Variants in NPM1 observed in about 807,000 individuals in gnomAD.
NPM1 encodes the protein nucleophosmin.
NPM1 carries 1 observed loss-of-function variant against 44.1 expected under a neutral mutation model. That is an observed-to-expected ratio of 0.02 (90% CI 0.01 to 0.11). NPM1 has a LOEUF of 0.11. NPM1 is among the 10% of genes least tolerant of loss of function. The pLI is 1.00. For synonymous variants in NPM1, 126 were observed against 111.8 expected (o/e 1.13, Z -0.80); for missense variants, 197 against 347.8 (o/e 0.57, Z 3.45).
upstream of NPM1, chr5:171,387,580 T>A (rs537257386): frequency 5.9e-4 from 151 of 257,118 alleles, 4 homozygotes; most frequent in South Asian, 0.015. Context: ...AGGTGGGGAG[T>A]GCGCGTTACG....
chr5:171,391,577 C>G, intron 3 of NPM1, 129 bp from the exon 4 acceptor site: 1 of 1,145,292 alleles, frequency 8.7e-7, no homozygotes. Flanking sequence ...ATGGGGGCTT[C>G]TGCTGCTACT....
At position 171,400,916 on chromosome 5, in the gene NPM1, A is replaced by G. The variant is rs1445175445; in HGVS notation, c.660A>G (p.Pro220=). The change falls in exon 8 of 11, where the codon CCA becomes CCG. Residue 220 remains proline (P), a synonymous_variant. Coordinates refer to ENST00000296930, the MANE Select transcript of NPM1 (RefSeq NM_002520.7). ...NGKDSKPSST[P]RSKGQESFKK... is the part of the protein sequence containing the mutation. ...AAGACTCAAAACCATCATCAACACC[A>G]AGATCAAAAGTAAGTGGCTACATTT... 1.9e-6 allele frequency: 3 copies of G among 1,609,872 alleles called. No homozygotes were observed. The highest frequency in any genetic ancestry group is 2.7e-5 in the African/African-American group (2 of 74,646).
chr5:171,402,952 CT>C (rs560900151), intron 8 of NPM1, among the ~76,000 whole-genome samples: 1,405 of 91,844 alleles, frequency 0.015, 43 homozygotes, highest in Middle Eastern at 0.039. Flanking sequence ...TCAGGTAGTT[CT>C]TTTTTTTTTT....
intron 7 of NPM1, among the ~76,000 whole-genome samples, chr5:171,400,456 CTTCCTT>C (rs1220200361): frequency 2.1e-5 from 3 of 139,578 alleles, no homozygotes; most frequent in Non-Finnish European, 4.6e-5. Context: ...CTGCTTTTTC[CTTCCTT>C]TTTTTTTTTT....
Position 171,410,637 on chromosome 5 carries a change from G to C in NPM1, c.*72G>C, listed in dbSNP as rs923743204. On this transcript the variant is annotated 3_prime_UTR_variant, in exon 11 of 11. Coordinates refer to ENST00000296930, the MANE Select transcript of NPM1 (RefSeq NM_002520.7). ...TTTCTGTAACAGTTGATATCTGGCT[G>C]TCCTTTTTATAATGCAGAGTGAGAA... 1.3e-5 allele frequency: 11 copies of C among 840,356 alleles called. No homozygotes were observed. In the African/African-American group the frequency reaches 1.9e-4, roughly 15 times the overall value. 52.1% of individuals were successfully genotyped at this position (840,356 alleles called of 1,614,324 possible). A position where few individuals can be genotyped will look rare whatever the true frequency, so the allele number is the denominator to read the frequency against.
chr5:171,391,383 A>G lies in NPM1; in HGVS notation c.217A>G (p.Lys73Glu). ...EAMNYEGSPI[K>E]VTLATLKMSV... ...AATGAATTACGAAGGCAGTCCAATT[A>G]AAGTAACACTGGCAACTTTGAAAAT... Residue 73 changes from lysine to glutamate, a missense_variant, in exon 3 of 11, where the codon AAA becomes GAA. Physicochemically the swap from Lys to Glu is moderately conservative, Grantham distance 56. Coordinates refer to ENST00000296930, the MANE Select transcript of NPM1 (RefSeq NM_002520.7). 1.2e-6 allele frequency: 2 copies of G among 1,611,256 alleles called. No homozygotes were observed. Among genetic ancestry groups the G allele is most frequent in the Non-Finnish European group, 1.7e-6 (2 of 1,179,948 alleles).
chr5:171,405,664 AC>A (rs1771525883), intron 9 of NPM1: 3 of 415,414 alleles, frequency 7.2e-6, no homozygotes, highest in Non-Finnish European at 1.3e-5. Flanking sequence ...TAACATTCTG[AC>A]CTTCCATGTT....
intron 6 of NPM1, among the ~76,000 whole-genome samples, chr5:171,394,096 C>CTCCAGTTGCTCAGGCTGGAGTGT (rs1770744048): frequency 7.2e-6 from 1 of 138,282 alleles, no homozygotes; most frequent in African/African-American, 2.7e-5. Context: ...GGCTGGAGTG[C>CTCCAGTTGCTCAGGCTGGAGTGT]GGTGGCGCCA....
rs539397005 is a variant in NPM1, at chr5:171,397,801, T to C, written c.525-2352T>C. On this transcript the variant is annotated intron_variant, in intron 6 of 10. Coordinates refer to ENST00000296930, the MANE Select transcript of NPM1 (RefSeq NM_002520.7). ...GTGAGCCACTGTGCCTGGCAAGAATTCTTTTTTTTTTTTTTTTGACAAGTC... is the reference window on the plus strand; with the variant it reads ...GTGAGCCACTGTGCCTGGCAAGAATCCTTTTTTTTTTTTTTTTGACAAGTC... 2.3e-5 allele frequency among the ~76,000 whole-genome samples: 3 copies of C among 128,498 alleles called. No homozygotes were observed. In the South Asian group the frequency reaches 7.9e-4, roughly 34 times the overall value. 84.3% of individuals were successfully genotyped at this position (128,498 alleles called of 152,430 possible).
intron 6 of NPM1, among the ~76,000 whole-genome samples, chr5:171,397,253 T>C (rs1181440109): frequency 6.6e-6 from 1 of 152,250 alleles, no homozygotes; most frequent in East Asian, 1.9e-4. Context: ...TATGGTTGAA[T>C]ACATTGTATG....
intron 8 of NPM1, among the ~76,000 whole-genome samples, chr5:171,402,884 A>G (rs1189409828): frequency 4.1e-5 from 6 of 144,832 alleles, no homozygotes; most frequent in African/African-American, 1.0e-4. Context: ...CATGCTTCCT[A>G]TACAGCCTAC....
chr5:171,389,683 TTAGG>T (rs1253891741), intron 1 of NPM1, among the ~76,000 whole-genome samples: 1 of 152,178 alleles, frequency 6.6e-6, no homozygotes, highest in Non-Finnish European at 1.5e-5. Context: ...ATTTGGGAAT[TTAGG>T]TAGGTAAATC....
chr5:171,401,927 A>C (rs1771221833), intron 8 of NPM1, among the ~76,000 whole-genome samples: 1 of 152,030 alleles, frequency 6.6e-6, no homozygotes, highest in Non-Finnish European at 1.5e-5. Context: ...AAAGGAAAAA[A>C]AGTTTAAAGG....
chr5:171,401,071 A>G, intron 8 of NPM1, 146 bp downstream of exon 8: 1 of 626,826 alleles, frequency 1.6e-6, no homozygotes, highest in Non-Finnish European at 2.8e-6. Flanking sequence ...AGCTTGCTGC[A>G]GCCAGGCTCA....
At position 171,401,144 on chromosome 5, in the gene NPM1, G is replaced by T. The variant is rs138366062; in HGVS notation, c.669+219G>T. Among the ~76,000 whole-genome samples the T allele has an allele frequency of 2.2e-3, 341 of 152,120 alleles. 3 individuals are homozygous for T. Among genetic ancestry groups the T allele is most frequent in the African/African-American group, 8.0e-3 (334 of 41,494 alleles). ...GGCCAAGGTGGGTGGGATCACCTGA[G>T]GTCAGGAGTTTGAGACTAGCCCGGC... On this transcript the variant is annotated intron_variant, in intron 8 of 10. Transcript: ENST00000296930.
At chr5:171,407,669 C>T (rs921943814) in intron 9 of NPM1, 31 bp from the exon 10 acceptor site, 1 of 1,288,376 alleles carries the variant, frequency 7.8e-7, no homozygotes, top group African/African-American at 1.5e-5. Context: ...TATTTCTCTA[C>T]TTACCTGTAA....
rs776798065 is a variant in NPM1, at chr5:171,400,825, A to G, written c.583-14A>G. The G allele has an allele frequency of 1.3e-6, 2 of 1,566,294 alleles. No homozygotes were observed. Among genetic ancestry groups the G allele is most frequent in the South Asian group, 2.2e-5 (2 of 90,002 alleles). ...GGGTCAGGGACAGTGATTAAGATAA[A>G]TTTCTAATTGCAGTCTATACGAGAT... is the stretch of plus-strand genomic sequence containing the variant. On this transcript the variant is annotated splice_polypyrimidine_tract_variant and intron_variant, in intron 7 of 10. Transcript: ENST00000296930.
intron 8 of NPM1, among the ~76,000 whole-genome samples, chr5:171,402,050 T>A (rs1771229269): frequency 7.2e-6 from 1 of 137,944 alleles, no homozygotes; most frequent in South Asian, 2.5e-4. Context: ...ATTTTCTGAT[T>A]TCCTTTTTTT....
Position 171,391,616 on chromosome 5 carries a change from T to C in NPM1, c.259-90T>C, listed in dbSNP as rs186305190. On this transcript the variant is annotated intron_variant, in intron 3 of 10. Transcript: ENST00000296930. ...ATCAGAGGTGGAAAAACAGGTTCAC[T>C]GGTTTGTTGATTTGGCTTATGTGTT... 3.5e-6 allele frequency: 4 copies of C among 1,129,512 alleles called. No homozygotes were observed. The African/African-American group carries it at 6.2e-5, about 17-fold the overall frequency. 70.0% of individuals were successfully genotyped at this position (1,129,512 alleles called of 1,614,324 possible).
Sources: gnomAD v4.1 joint callset for allele counts (sites outside exome capture counted in the v4.1 genomes callset) on GRCh38, gnomAD v4.1.1 for gene constraint, MANE v1.5 for transcripts, NCBI Gene and HGNC (gene_info 2026-07-23, HGNC 2026-07-21) for gene names.